DCDC2C: variants seen among roughly 807,000 people sequenced by gnomAD.
DCDC2C encodes the protein doublecortin domain containing 2C.
Under a neutral mutation model 45.0 loss-of-function variants are expected in DCDC2C, and 44 were observed. The observed-to-expected ratio is 0.98, with a 90% CI of 0.77 to 1.26. DCDC2C has a LOEUF of 1.26. Among genes scored for constraint, DCDC2C ranks in the 50% most tolerant of loss-of-function variants. The pLI is 0.00. For missense variants in DCDC2C, 447 were observed against 468.9 expected (o/e 0.95, Z 0.43); for synonymous variants, 187 against 178.8 (o/e 1.05, Z -0.37).
rs3067135 is a variant in DCDC2C at position 3,842,637 on chromosome 2, T to TAAAA, written c.1066-4502_1066-4499dup. 2.9e-3 allele frequency among the ~76,000 whole-genome samples: 407 copies of TAAAA among 139,230 alleles called. 2 individuals carry two copies. Among genetic ancestry groups the TAAAA allele is most frequent in the African/African-American group, 8.3e-3 (311 of 37,436 alleles). The allele number at this position is 139,230 out of a possible 152,430, so 91.3% of individuals were successfully genotyped here. On this transcript the variant is annotated intron_variant, in intron 10 of 10. Transcript: ENST00000399143. ...GAGAAGAAGCAAGGCTAATTTGCAG[T>TAAAA]AAAAAAAAAAAAAAAAAATCAATTC... is the stretch of plus-strand genomic sequence containing the variant.
chr2:3,743,789 C>T (rs762100069), intron 4 of DCDC2C, among the ~76,000 whole-genome samples: 5 of 152,132 alleles, frequency 3.3e-5, no homozygotes, highest in South Asian at 4.2e-4. Flanking sequence ...CTACATTGGC[C>T]GGGTGCGGTG....
At chr2:3,827,846 A>G (rs995789076) in intron 10 of DCDC2C, among the ~76,000 whole-genome samples, 4 of 152,166 alleles carry the variant, frequency 2.6e-5, no homozygotes, top group African/African-American at 9.7e-5. Context: ...CCAGAAAAGA[A>G]CCCATTGGGC....
chr2:3,714,621 G>A (rs920961050), intron 2 of DCDC2C, among the ~76,000 whole-genome samples: 11 of 152,188 alleles, frequency 7.2e-5, no homozygotes, highest in Non-Finnish European at 1.2e-4. Flanking sequence ...TTGCTGAGTT[G>A]AATTTTTTAG....
intron 10 of DCDC2C, among the ~76,000 whole-genome samples, chr2:3,816,315 T>G (rs1558240361): frequency 6.9e-6 from 1 of 144,068 alleles, no homozygotes; most frequent in Non-Finnish European, 1.5e-5. Flanking sequence ...GCCCAAGGGG[T>G]TTAGCATAAT....
intron 10 of DCDC2C, among the ~76,000 whole-genome samples, chr2:3,824,356 T>G (rs1186357166): frequency 1.3e-5 from 2 of 152,364 alleles, no homozygotes; most frequent in East Asian, 3.9e-4. Flanking sequence ...TACTCAACTC[T>G]GTTTTATTGC....
intron 9 of DCDC2C, among the ~76,000 whole-genome samples, 157 bp downstream of exon 9, chr2:3,779,041 C>T (rs149615999): frequency 5.3e-4 from 80 of 152,290 alleles, no homozygotes; most frequent in African/African-American, 1.9e-3. Flanking sequence ...CGCAGGCAGC[C>T]GTGGACACGA....
At chr2:3,705,664 A>G (rs1287142060) in intron 1 of DCDC2C, among the ~76,000 whole-genome samples, 2 of 151,994 alleles carry the variant, frequency 1.3e-5, no homozygotes, top group East Asian at 3.9e-4. Flanking sequence ...GGGAGATGTT[A>G]CTCTTTCCCC....
intron 6 of DCDC2C, among the ~76,000 whole-genome samples, chr2:3,756,033 C>T (rs1669705207): frequency 6.7e-6 from 1 of 148,672 alleles, no homozygotes; most frequent in South Asian, 2.1e-4. Flanking sequence ...TGTATGGATG[C>T]ATGTGTGTGT....
chr2:3,768,469 G>T (rs1670072145), intron 7 of DCDC2C, among the ~76,000 whole-genome samples: 1 of 152,224 alleles, frequency 6.6e-6, no homozygotes, highest in African/African-American at 2.4e-5. Flanking sequence ...GCTGGTTATG[G>T]AGGAGAAAGC....
chr2:3,736,280 C>A lies in DCDC2C; in HGVS notation c.417-5640C>A, dbSNP rs373192558. 2.0e-5 allele frequency among the ~76,000 whole-genome samples: 3 copies of A among 152,134 alleles called. No individual in the cohort carries two copies. The East Asian group carries it at 5.8e-4, about 29-fold the overall frequency. ...TAGGACTGAGAAGGAAGTTGTGCTG[C>A]TTTAAGGGGTCCCACAGAAATGTTT... On this transcript the variant is annotated intron_variant, in intron 3 of 10. Transcript: ENST00000399143.
chr2:3,741,928 CA>C lies in DCDC2C; in HGVS notation c.428del (p.Asn143MetfsTer35). ...HRISRHINVFTNGRLFIPPAK... is the reference protein window; with the variant it reads ...HRISRHINVFXNGRLFIPPAK... ...TCTTTTTATTCTTACAGTGTTTTTA[CA>C]AATGGAAGATTATTTATTCCACCTG... is the stretch of plus-strand genomic sequence containing the variant. On this transcript the variant is annotated frameshift_variant, in exon 4 of 11. Coordinates refer to ENST00000399143, the MANE Select transcript of DCDC2C (RefSeq NM_001287444.2). LOFTEE classifies it high-confidence loss of function. 1 of 1,546,318 alleles carries C rather than the reference CA, an allele frequency of 6.5e-7. No homozygotes were observed. The highest frequency in any genetic ancestry group is 8.7e-7 in the Non-Finnish European group (1 of 1,145,332).
chr2:3,719,238 A>G (rs1209392127), intron 2 of DCDC2C, among the ~76,000 whole-genome samples: 2 of 152,030 alleles, frequency 1.3e-5, no homozygotes, highest in African/African-American at 2.4e-5. Context: ...GGTGCCCGCC[A>G]CCATGCCAGC....
intron 10 of DCDC2C, among the ~76,000 whole-genome samples, chr2:3,822,648 T>C (rs1433809465): frequency 6.6e-6 from 1 of 152,130 alleles, no homozygotes; most frequent in Admixed American, 6.5e-5. Flanking sequence ...TATTATTTTT[T>C]CCTTCTGCTT....
chr2:3,720,628 GC>G (rs1277441880), intron 2 of DCDC2C, among the ~76,000 whole-genome samples: 1 of 152,198 alleles, frequency 6.6e-6, no homozygotes, highest in African/African-American at 2.4e-5. Context: ...ATTGGACTGG[GC>G]AGGACATTCT....
At chr2:3,745,084 CA>C (rs1669324608) in intron 4 of DCDC2C, among the ~76,000 whole-genome samples, 1 of 152,176 alleles carries the variant, frequency 6.6e-6, no homozygotes, top group African/African-American at 2.4e-5. Context: ...CTCCCAGGTT[CA>C]AGTGATTTTC....
At chr2:3,791,104 G>A (rs1489894604) in intron 10 of DCDC2C, among the ~76,000 whole-genome samples, 1 of 149,340 alleles carries the variant, frequency 6.7e-6, no homozygotes, top group Non-Finnish European at 1.5e-5. Flanking sequence ...GTGAGACTCT[G>A]TCTCAAAAAA....
intron 10 of DCDC2C, among the ~76,000 whole-genome samples, chr2:3,833,447 C>T (rs1396219639): frequency 1.3e-5 from 2 of 152,204 alleles, no homozygotes; most frequent in African/African-American, 2.4e-5. Context: ...CTTTCATTTG[C>T]GTCTGACACA....
At chr2:3,807,083 A>T (rs1320694335) in intron 10 of DCDC2C, among the ~76,000 whole-genome samples, 3 of 149,198 alleles carry the variant, frequency 2.0e-5, no homozygotes, top group Non-Finnish European at 3.0e-5. Context: ...TCAGAAAGCT[A>T]TTTTTTTTTT....
At chr2:3,792,260 C>G (rs1307704815) in intron 10 of DCDC2C, among the ~76,000 whole-genome samples, 1 of 152,180 alleles carries the variant, frequency 6.6e-6, no homozygotes, top group African/African-American at 2.4e-5. Flanking sequence ...CAGAAACAGT[C>G]CCTGCTAGTT....
Sources: allele counts gnomAD v4.1 joint callset (sites outside exome capture counted in the v4.1 genomes callset), GRCh38; gene constraint gnomAD v4.1.1; transcripts MANE v1.5; gene names NCBI Gene and HGNC (gene_info 2026-07-23, HGNC 2026-07-21).